Variants in INTS9 observed in about 807,000 individuals in gnomAD.
INTS9 encodes protein related to CPSF subunits of 74 kDa.
A neutral mutation model predicts 79.7 loss-of-function variants in INTS9; 55 were observed. The observed-to-expected ratio is 0.69, with a 90% CI of 0.56 to 0.86. The LOEUF (loss-of-function observed/expected upper bound fraction) is 0.86. Ranked by LOEUF, INTS9 falls within the 40% of genes least tolerant of loss-of-function variation. The pLI, the probability that INTS9 is intolerant of heterozygous loss-of-function variation, is 0.00. For synonymous variants in INTS9, 319 were observed against 325.2 expected (o/e 0.98, Z 0.20); for missense variants, 721 against 831.5 (o/e 0.87, Z 1.64).
At chr8:28,773,677 G>A (rs1409520659) in intron 14 of INTS9, among the ~76,000 whole-genome samples, 3 of 117,544 alleles carry the variant, frequency 2.6e-5, no homozygotes, top group Non-Finnish European at 1.9e-5. Flanking sequence ...CTGCCACCAC[G>A]CCTGTGGCTA....
chr8:28,777,849 T>C lies in INTS9; in HGVS notation c.1375A>G (p.Lys459Glu), dbSNP rs1308376864. 5.0e-6 allele frequency: 8 copies of C among 1,611,008 alleles called. No homozygotes were observed. The highest frequency in any genetic ancestry group is 1.1e-5 in the South Asian group (1 of 90,648). Residue 459 changes from lysine (K) to glutamate (E), a missense_variant, in exon 13 of 17, where the codon AAG becomes GAG. By Grantham distance (56) the Lys-to-Glu change is moderately conservative. Around this residue, in one of 3 missense-constraint regions of INTS9, gnomAD observed 281 missense variants for 300.8 expected, o/e 0.93. Transcript: ENST00000521022. Reference sequence around the variant, plus strand: ...ATTACCTGCACTTCTTTAAGCAGCTTTGACACCTGGATGAAGTTCAGCCGG... The same window carrying C: ...ATTACCTGCACTTCTTTAAGCAGCTCTGACACCTGGATGAAGTTCAGCCGG... ...DTRLNFIQVS[K>E]LLKEVQPLHV...
chr8:28,863,958 G>A (rs1808591203), intron 1 of INTS9, among the ~76,000 whole-genome samples: 1 of 151,902 alleles, frequency 6.6e-6, no homozygotes, highest in African/African-American at 2.4e-5. Context: ...GTTACATATG[G>A]GTAAGATAAA....
chr8:28,883,928 G>C (rs1478951679), intron 1 of INTS9, among the ~76,000 whole-genome samples: 4 of 152,058 alleles, frequency 2.6e-5, no homozygotes, highest in Admixed American at 2.6e-4. Context: ...CTGCAACCTG[G>C]GCCCTTGTGA....
intron 14 of INTS9, among the ~76,000 whole-genome samples, chr8:28,775,035 C>G (rs184779393): frequency 6.6e-6 from 1 of 152,182 alleles, no homozygotes; most frequent in African/African-American, 2.4e-5. Context: ...ACCAAGTTTA[C>G]AATCCTTATT....
intron 10 of INTS9, among the ~76,000 whole-genome samples, chr8:28,792,563 A>T (rs575417549): frequency 2.7e-4 from 41 of 151,900 alleles, no homozygotes; most frequent in African/African-American, 9.7e-4. Context: ...AAAAAAAAAA[A>T]TTTGTGGAAA....
Position 28,837,665 on chromosome 8 carries a change from C to T in INTS9, c.373G>A (p.Ala125Thr). 1 of 1,613,536 alleles carries T rather than the reference C, an allele frequency of 6.2e-7. No individual in the cohort carries two copies. Among genetic ancestry groups the T allele is most frequent in the Non-Finnish European group, 8.5e-7 (1 of 1,179,952 alleles). The change falls in exon 5 of 17, where the codon GCC becomes ACC. Residue 125 changes from alanine to threonine, a missense_variant. Around this residue, in one of 3 missense-constraint regions of INTS9, gnomAD observed 291 missense variants for 307.0 expected, o/e 0.95. Coordinates refer to ENST00000521022, the MANE Select transcript of INTS9 (RefSeq NM_018250.4). ...CCGATCTGGACGGTGGGTTCCGTGGCATACACTGTGCCTGTGAAGCCGGTG... is the reference window on the plus strand; with the variant it reads ...CCGATCTGGACGGTGGGTTCCGTGGTATACACTGTGCCTGTGAAGCCGGTG... ...EHTGFTGTVY[A>T]TEPTVQIGRL...
intron 1 of INTS9, among the ~76,000 whole-genome samples, chr8:28,876,455 A>G (rs1003196483): frequency 2.6e-5 from 4 of 152,214 alleles, no homozygotes; most frequent in Non-Finnish European, 5.9e-5. Flanking sequence ...TATGTAAAAG[A>G]GTCTCTCTTT....
intron 1 of INTS9, among the ~76,000 whole-genome samples, chr8:28,872,282 C>G (rs561435385): frequency 6.3e-4 from 96 of 152,294 alleles, no homozygotes; most frequent in African/African-American, 1.9e-3. Flanking sequence ...TTCATCAGCA[C>G]TGTGTGGGAC....
chr8:28,806,637 T>A (rs1385621605), intron 8 of INTS9, among the ~76,000 whole-genome samples: 1 of 152,232 alleles, frequency 6.6e-6, no homozygotes, highest in African/African-American at 2.4e-5. Context: ...ACTAATCAAA[T>A]TTCAGTCCAT....
At chr8:28,845,437 T>C (rs1009118868) in intron 4 of INTS9, among the ~76,000 whole-genome samples, 2 of 152,226 alleles carry the variant, frequency 1.3e-5, no homozygotes, top group Non-Finnish European at 1.5e-5. Context: ...TATATGGCTC[T>C]AGAACCCTAA....
intron 2 of INTS9, among the ~76,000 whole-genome samples, chr8:28,851,420 GTTTT>G (rs1423842048): frequency 6.6e-6 from 1 of 150,726 alleles, no homozygotes; most frequent in African/African-American, 2.5e-5. Flanking sequence ...GGGTAAGTTT[GTTTT>G]TGTTTTTGTT....
intron 10 of INTS9, 116 bp downstream of exon 10, chr8:28,793,691 A>G: frequency 1.0e-6 from 1 of 1,004,432 alleles, no homozygotes; most frequent in Non-Finnish European, 1.4e-6. Context: ...ACAGAAAAAC[A>G]ACAAAATGAA....
intron 11 of INTS9, among the ~76,000 whole-genome samples, chr8:28,782,360 C>A (rs961781693): frequency 6.6e-6 from 1 of 152,236 alleles, no homozygotes; most frequent in Non-Finnish European, 1.5e-5. Context: ...ATTCGTCACA[C>A]CAGAAACACT....
chr8:28,870,838 A>G (rs1418207703), intron 1 of INTS9, among the ~76,000 whole-genome samples: 1 of 152,204 alleles, frequency 6.6e-6, no homozygotes. Context: ...AGCAAGGAGG[A>G]GAGCATGCCT....
Position 28,796,654 on chromosome 8 carries a change from G to T in INTS9, c.746C>A (p.Pro249His). ...GTTTTTGAGAGAAGCTTGGTCCATG[G>T]GCTGAAAAAGAACACAGAAATATGG... ...GSSLLTTHPQPMDQASLKNSD... is the reference protein window; with the variant it reads ...GSSLLTTHPQHMDQASLKNSD... The change falls in exon 9 of 17, where the codon CCC (proline) becomes CAC (histidine). Residue 249 changes from proline (P) to histidine (H), a missense_variant and splice_region_variant. Around this residue, in one of 3 missense-constraint regions of INTS9, gnomAD observed 291 missense variants for 307.0 expected, o/e 0.95. Coordinates refer to ENST00000521022, the MANE Select transcript of INTS9 (RefSeq NM_018250.4). 6.3e-7 allele frequency: 1 copy of T among 1,598,000 alleles called. No individual in the cohort carries two copies. Among genetic ancestry groups the T allele is most frequent in the South Asian group, 1.1e-5 (1 of 90,680 alleles).
chr8:28,783,669 T>TA (rs1803427355), intron 11 of INTS9: 1 of 152,194 alleles, frequency 6.6e-6, no homozygotes. Flanking sequence ...ACACTAACAC[T>TA]GTCCTGGAGA....
At chr8:28,889,423 A>G (rs1810447597) in intron 1 of INTS9, among the ~76,000 whole-genome samples, 1 of 152,216 alleles carries the variant, frequency 6.6e-6, no homozygotes, top group Admixed American at 6.5e-5. Context: ...AGGATATTTA[A>G]TAAGTGATTA....
chr8:28,768,004 T>G lies in INTS9; in HGVS notation c.*142A>C. The G allele has an allele frequency of 1.3e-6, 1 of 756,962 alleles. No homozygotes were observed. Among genetic ancestry groups the G allele is most frequent in the East Asian group, 2.4e-5 (1 of 40,860 alleles). 46.9% of individuals were successfully genotyped at this position (756,962 alleles called of 1,614,324 possible). A position where few individuals can be genotyped will look rare whatever the true frequency, so the allele number is the denominator to read the frequency against. On this transcript the variant is annotated 3_prime_UTR_variant, in exon 17 of 17. Transcript: ENST00000521022. The stretch of plus-strand genomic sequence containing the variant: ...TGGGAATAAGTCCAGACCATTTCCC[T>G]CAAGAGCCACCTCTTCACTCCTTAA...
chr8:28,862,988 T>C (rs1808538678), intron 1 of INTS9, among the ~76,000 whole-genome samples: 1 of 152,216 alleles, frequency 6.6e-6, no homozygotes, highest in Non-Finnish European at 1.5e-5. Flanking sequence ...CCTATCCTTG[T>C]AGCAGAGTTG....
Sources: allele counts gnomAD v4.1 joint callset (sites outside exome capture counted in the v4.1 genomes callset), GRCh38; gene constraint gnomAD v4.1.1; regional missense constraint gnomAD v4.1.1; transcripts MANE v1.5; gene names NCBI Gene and HGNC (gene_info 2026-07-23, HGNC 2026-07-21).